Variants in ARHGEF15 observed in about 807,000 individuals in gnomAD.
The protein encoded by ARHGEF15 is Rho guanine nucleotide exchange factor (GEF) 15.
In ARHGEF15, 58 loss-of-function variants were observed where a neutral mutation model predicts 79.7. The observed-to-expected ratio is 0.73, with a 90% CI of 0.59 to 0.91. The LOEUF (loss-of-function observed/expected upper bound fraction) is 0.91. Ranked by LOEUF, ARHGEF15 falls within the 40% of genes least tolerant of loss-of-function variation. The probability of loss-of-function intolerance (pLI) is 0.00; values close to 1 mark genes in which losing one functional copy is unlikely to be tolerated. For missense variants in ARHGEF15, 1,012 were observed against 1,108.1 expected (o/e 0.91, Z 1.23); for synonymous variants, 442 against 456.0 (o/e 0.97, Z 0.39).
intron 13 of ARHGEF15, 73 bp downstream of exon 13, chr17:8,319,232 G>A (rs1446939479): frequency 1.2e-6 from 2 of 1,606,074 alleles, no homozygotes; most frequent in African/African-American, 1.3e-5. Flanking sequence ...CACTTCCCCA[G>A]TCTCTCTCTT....
chr17:8,311,953 G>T (rs749378014), intron 1 of ARHGEF15, 38 bp from the exon 2 acceptor site: 3 of 1,381,348 alleles, frequency 2.2e-6, no homozygotes, highest in Non-Finnish European at 2.9e-6. Flanking sequence ...TCCCTGTGGG[G>T]CACTAAGGGT....
intron 9 of ARHGEF15, among the ~76,000 whole-genome samples, chr17:8,316,554 C>G (rs974731838): frequency 1.3e-5 from 2 of 152,240 alleles, no homozygotes; most frequent in African/African-American, 4.8e-5. Context: ...GGTGGTATCA[C>G]CCCCAAGGGG....
At chr17:8,314,508 G>A (rs1050618655) in intron 4 of ARHGEF15, among the ~76,000 whole-genome samples, 2 of 151,980 alleles carry the variant, frequency 1.3e-5, no homozygotes, top group Admixed American at 6.6e-5. Flanking sequence ...TACGTGAGAC[G>A]GCTGACAAGG....
Position 8,319,145 on chromosome 17 carries a change from C to G in ARHGEF15, c.2172C>G (p.Leu724=). The change falls in exon 13 of 16, where the codon CTC becomes CTG. Residue 724 remains leucine, a synonymous_variant. Transcript: ENST00000361926. ...NHQGRPTHRL[L]QASSLSDMQR... ...AGGGCCGCCCCACCCACCGACTACTCCAAGCTTCTTCCCTGTGAGTTGTGT... is the reference window on the plus strand; with the variant it reads ...AGGGCCGCCCCACCCACCGACTACTGCAAGCTTCTTCCCTGTGAGTTGTGT... The G allele has an allele frequency of 6.2e-7, 1 of 1,613,782 alleles. No homozygotes were observed.
rs1597467317 is a variant in ARHGEF15, at chr17:8,319,684, A to G, written c.2374+81A>G. 3.2e-5 allele frequency: 39 copies of G among 1,234,646 alleles called. No individual in the cohort carries two copies. The East Asian group carries it at 9.7e-4, about 31-fold the overall frequency. The allele number at this position is 1,234,646 out of a possible 1,614,324, so 76.5% of individuals were successfully genotyped here. On this transcript the variant is annotated intron_variant, in intron 15 of 15. Transcript: ENST00000361926. ...AGAGTCTCATTCTGTCAGCCAGGCT[A>G]GAGTGCAGTGGTGTGAGCTCGGCTC...
rs1311471491 is a variant in ARHGEF15, at chr17:8,321,775, G to A, written c.*782G>A. The A allele has an allele frequency of 2.0e-5, 3 of 152,206 alleles. No homozygotes were observed. The highest frequency in any genetic ancestry group is 6.5e-5 in the Admixed American group (1 of 15,276). The allele number at this position is 152,206 out of a possible 1,614,324, so 9.4% of individuals were successfully genotyped here. ...TGAGCTCCAGAAGAGACTGTGCTGG[G>A]TGTGGCTTGGCACCCAGGGGATGAG... On this transcript the variant is annotated 3_prime_UTR_variant, in exon 16 of 16. Coordinates refer to ENST00000361926, the MANE Select transcript of ARHGEF15 (RefSeq NM_173728.4).
chr17:8,316,944 G>A (rs1028100164), intron 9 of ARHGEF15, among the ~76,000 whole-genome samples: 2 of 152,012 alleles, frequency 1.3e-5, no homozygotes, highest in African/African-American at 4.8e-5. Flanking sequence ...TACCATGCCT[G>A]GCTAATTTTT....
rs776387477 is a variant in ARHGEF15 at position 8,315,815 on chromosome 17, T to C, written c.1482T>C (p.Asp494=). ...RSSPHISDLC[D]VVHAHAVGPF... is the part of the protein sequence containing the mutation. ...CCCCCCACATCAGCGACTTGTGTGATGTGGTGCATGCCCACGCTGTGGGGC... is the reference window on the plus strand; with the variant it reads ...CCCCCCACATCAGCGACTTGTGTGACGTGGTGCATGCCCACGCTGTGGGGC... Residue 494 remains aspartate, a synonymous_variant, in exon 8 of 16, where the codon GAT becomes GAC. Transcript: ENST00000361926. The surrounding 1 kb of genome is among the most constrained non-coding windows in gnomAD (Gnocchi z 4.3). The C allele has an allele frequency of 3.1e-6, 5 of 1,613,370 alleles. No individual in the cohort carries two copies. Among genetic ancestry groups the C allele is most frequent in the South Asian group, 2.2e-5 (2 of 91,062 alleles).
rs780112596 is a variant in ARHGEF15, at chr17:8,316,122, A to G, written c.1678A>G (p.Ile560Val). The G allele has an allele frequency of 1.1e-5, 17 of 1,603,208 alleles. No homozygotes were observed. The highest frequency in any genetic ancestry group is 3.4e-6 in the Non-Finnish European group (4 of 1,179,312). ...CTTCCTGCTACTGCCCTTCCAGCGC[A>G]TCACCCGGCTGCGCATGCTGCTGCA... ...PSFLLLPFQR[I>V]TRLRMLLQNI... Residue 560 changes from isoleucine (I) to valine (V), a missense_variant, in exon 9 of 16, where the codon ATC (isoleucine) becomes GTC (valine). Coordinates refer to ENST00000361926, the MANE Select transcript of ARHGEF15 (RefSeq NM_173728.4).
Position 8,319,603 on chromosome 17 carries a change from G to A in ARHGEF15, c.2374G>A (p.Gly792Ser). Residue 792 changes from glycine to serine, a missense_variant and splice_region_variant, in exon 15 of 16, where the codon GGT becomes AGT. Gly to Ser is a moderately conservative substitution (Grantham distance 56). This residue lies in a region of ARHGEF15 where 132 missense variants were observed against 124.2 expected (regional missense o/e 1.06). Coordinates refer to ENST00000361926, the MANE Select transcript of ARHGEF15 (RefSeq NM_173728.4). ...CAAACACCTGCACAAGACCCCTGAA[G>A]GTGAGAAAGTCTTTCATTTATTTAT... ...APKHLHKTPEGWLKGLPGAFP... is the reference protein window; with the variant it reads ...APKHLHKTPESWLKGLPGAFP... The A allele has an allele frequency of 6.4e-7, 1 of 1,555,970 alleles. No individual in the cohort carries two copies. The highest frequency in any genetic ancestry group is 8.6e-7 in the Non-Finnish European group (1 of 1,159,334).
intron 9 of ARHGEF15, among the ~76,000 whole-genome samples, chr17:8,317,177 T>C (rs1352375655): frequency 6.6e-6 from 1 of 152,196 alleles, no homozygotes; most frequent in Non-Finnish European, 1.5e-5. Context: ...CACGGCTCAC[T>C]GCAGCCTCAA....
intron 3 of ARHGEF15, 60 bp from the exon 4 acceptor site, chr17:8,313,441 G>A: frequency 6.3e-7 from 1 of 1,583,634 alleles, no homozygotes; most frequent in Non-Finnish European, 8.6e-7. Flanking sequence ...GCTGGAGTCG[G>A]GAGTCCTGGC....
rs776675892 is a variant in ARHGEF15 at position 8,318,504 on chromosome 17, G to A, written c.1779+43G>A. 1 of 1,613,572 alleles carries A rather than the reference G, an allele frequency of 6.2e-7. No homozygotes were observed. Among genetic ancestry groups the A allele is most frequent in the Non-Finnish European group, 8.5e-7 (1 of 1,179,710 alleles). On this transcript the variant is annotated intron_variant, in intron 10 of 15. Coordinates refer to ENST00000361926, the MANE Select transcript of ARHGEF15 (RefSeq NM_173728.4). The surrounding 1 kb of genome is among the most constrained non-coding windows in gnomAD (Gnocchi z 5.0). ...TGAAGCAGGGGGAGGTGACAAGGTG[G>A]TAGAGAGAAATGGTAGGGAGCAGGG...
At chr17:8,310,760 G>GT (rs1904556536) in intron 1 of ARHGEF15, 1 of 152,414 alleles carries the variant, frequency 6.6e-6, no homozygotes, top group African/African-American at 2.4e-5. Flanking sequence ...GAGTGGTGTG[G>GT]TTCGTGAGGG....
At position 8,318,413 on chromosome 17, in the gene ARHGEF15, G is replaced by C. The variant is rs2151643008; in HGVS notation, c.1731G>C (p.Gly577=). 1.2e-6 allele frequency: 2 copies of C among 1,614,118 alleles called. No individual in the cohort carries two copies. The highest frequency in any genetic ancestry group is 1.7e-6 in the Non-Finnish European group (2 of 1,180,024). Residue 577 remains glycine (G), a synonymous_variant, in exon 10 of 16, where the codon GGG becomes GGC. Transcript: ENST00000361926. This position sits in a 1 kb window ranked among gnomAD's most constrained non-coding sequence, Gnocchi z 5.0. ...LQNILRQTEE[G]SSRQENAQKA... ...ATATCCTGCGCCAGACAGAAGAGGGGTCCAGCCGTCAGGAGAATGCCCAGA... is the reference window on the plus strand; with the variant it reads ...ATATCCTGCGCCAGACAGAAGAGGGCTCCAGCCGTCAGGAGAATGCCCAGA...
chr17:8,319,491 C>A lies in ARHGEF15; in HGVS notation c.2270-8C>A. On this transcript the variant is annotated splice_region_variant and splice_polypyrimidine_tract_variant and intron_variant, in intron 14 of 15. Coordinates refer to ENST00000361926, the MANE Select transcript of ARHGEF15 (RefSeq NM_173728.4). ...AGAATCACTTTAATGTCACCCACCC[C>A]CAACCAGACTGTTCCCAGGAACTGT... 21 of 1,594,344 alleles carry A rather than the reference C, an allele frequency of 1.3e-5. No individual in the cohort carries two copies. The highest frequency in any genetic ancestry group is 1.5e-5 in the Non-Finnish European group (17 of 1,171,434).
At chr17:8,319,682 C>T (rs1405366896) in intron 15 of ARHGEF15, 79 bp downstream of exon 15, 2 of 1,256,198 alleles carry the variant, frequency 1.6e-6, no homozygotes, top group African/African-American at 1.5e-5. Context: ...GTCAGCCAGG[C>T]TAGAGTGCAG....
At position 8,321,106 on chromosome 17, in the gene ARHGEF15, C is replaced by A; in HGVS notation, c.*113C>A. On this transcript the variant is annotated 3_prime_UTR_variant, in exon 16 of 16. Transcript: ENST00000361926. ...TCAGTGGAGATACTACCTCTCGTGG[C>A]AACCATAGAGATCGAGCTTCAGGAC... 8 of 1,413,220 alleles carry A rather than the reference C, an allele frequency of 5.7e-6. No individual in the cohort carries two copies. The highest frequency in any genetic ancestry group is 1.9e-5 in the Admixed American group (1 of 52,142). The allele number at this position is 1,413,220 out of a possible 1,614,324, so 87.5% of individuals were successfully genotyped here. A position where few individuals can be genotyped will look rare whatever the true frequency, so the allele number is the denominator to read the frequency against.
In ARHGEF15 at chr17:8,314,924, G is replaced by C. The variant is rs781395807; in HGVS notation, c.1008G>C (p.Glu336Asp). The change falls in exon 5 of 16, where the codon GAG (glutamate) becomes GAC (aspartate). Residue 336 changes from glutamate to aspartate, a missense_variant. By Grantham distance (45) the Glu-to-Asp change is conservative (BLOSUM62 2). Coordinates refer to ENST00000361926, the MANE Select transcript of ARHGEF15 (RefSeq NM_173728.4). ...TCCACAGGGAAGAGGAGGGGCTAGA[G>C]GTGCTGAAGGAGCAGAATTGGGAGC... is the stretch of plus-strand genomic sequence containing the variant. ...TVEGREEEGL[E>D]VLKEQNWELP... The C allele has an allele frequency of 1.2e-6, 2 of 1,614,048 alleles. No individual in the cohort carries two copies. Among genetic ancestry groups the C allele is most frequent in the Non-Finnish European group, 1.7e-6 (2 of 1,179,976 alleles).
Sources: allele counts gnomAD v4.1 joint callset (sites outside exome capture counted in the v4.1 genomes callset), GRCh38; gene constraint gnomAD v4.1.1; regional missense constraint gnomAD v4.1.1; non-coding constraint Gnocchi (gnomAD v3.1); transcripts MANE v1.5; gene names NCBI Gene and HGNC (gene_info 2026-07-23, HGNC 2026-07-21).